ATP2C1: variants seen among roughly 807,000 people sequenced by gnomAD.
ATP2C1 encodes the protein calcium-transporting ATPase type 2C member 1.
Under a neutral mutation model 120.5 loss-of-function variants are expected in ATP2C1, and 31 were observed. The ratio of observed to expected loss-of-function variants is 0.26; its 90% confidence interval spans 0.19 to 0.35. ATP2C1 has a LOEUF of 0.35. ATP2C1 is among the 10% of genes least tolerant of loss of function. ATP2C1 has a pLI of 1.00. For synonymous variants in ATP2C1, 351 were observed against 358.7 expected, an observed-to-expected ratio of 0.98 and a Z score of 0.24; for missense variants, 731 against 1,107.5, an observed-to-expected ratio of 0.66 and a Z score of 4.83.
chr3:131,007,005 T>A (rs540017563), downstream of ATP2C1, among the ~76,000 whole-genome samples: 7 of 152,238 alleles, frequency 4.6e-5, no homozygotes, highest in African/African-American at 1.7e-4. Context: ...TAGCAATAAG[T>A]TTGCATATAA....
At chr3:130,873,212 T>G (rs980765507) in intron 1 of ATP2C1, among the ~76,000 whole-genome samples, 1 of 152,178 alleles carries the variant, frequency 6.6e-6, no homozygotes, top group African/African-American at 2.4e-5. Context: ...CAGAGCAGCT[T>G]CTTATATATT....
chr3:130,954,359 C>T (rs2060488044), intron 9 of ATP2C1, among the ~76,000 whole-genome samples: 1 of 152,126 alleles, frequency 6.6e-6, no homozygotes, highest in Non-Finnish European at 1.5e-5. Flanking sequence ...TGATACTCCA[C>T]CAGTGCAAAA....
At chr3:130,855,594 A>C (rs1183711329) in intron 1 of ATP2C1, among the ~76,000 whole-genome samples, 2 of 152,174 alleles carry the variant, frequency 1.3e-5, no homozygotes, top group Non-Finnish European at 2.9e-5. Context: ...CATCTGTGTC[A>C]GTGCTGGGAT....
chr3:130,969,163 AT>A (rs2061183702), intron 16 of ATP2C1, 128 bp from the exon 17 acceptor site: 1 of 704,652 alleles, frequency 1.4e-6, no homozygotes, highest in African/African-American at 1.8e-5. Flanking sequence ...TAGATGGAGC[AT>A]TTACTATTTC....
At chr3:130,994,550 C>G (rs1458540035) in intron 22 of ATP2C1, among the ~76,000 whole-genome samples, 1 of 152,030 alleles carries the variant, frequency 6.6e-6, no homozygotes, top group Non-Finnish European at 1.5e-5. Context: ...TTAAATAGCT[C>G]TATTTGTGTC....
At chr3:130,893,148 A>G (rs577604686), upstream of ATP2C1, among the ~76,000 whole-genome samples, 44 of 152,322 alleles carry the variant, frequency 2.9e-4, no homozygotes, top group African/African-American at 9.1e-4. Flanking sequence ...ATTAAAACCA[A>G]TCGTTCATTA....
intron 2 of ATP2C1, among the ~76,000 whole-genome samples, chr3:130,904,924 A>G (rs764093679): frequency 6.6e-6 from 1 of 152,048 alleles, no homozygotes; most frequent in Non-Finnish European, 1.5e-5. Context: ...AAATCCAGTA[A>G]TTGTTGCTCA....
chr3:130,910,900 T>C (rs1239696295), intron 2 of ATP2C1, among the ~76,000 whole-genome samples: 1 of 75,198 alleles, frequency 1.3e-5, no homozygotes, highest in Non-Finnish European at 2.7e-5. Context: ...GATATTGGTC[T>C]AAAATTCTCT....
intron 1 of ATP2C1, among the ~76,000 whole-genome samples, chr3:130,862,355 T>TTTAC (rs1211733682): frequency 1.3e-5 from 2 of 150,392 alleles, no homozygotes; most frequent in Non-Finnish European, 3.0e-5. Context: ...TATTTATTTA[T>TTTAC]TTTTAGTAAG....
Position 130,999,528 on chromosome 3 carries a change from T to A in ATP2C1, c.2498T>A (p.Val833Glu), listed in dbSNP as rs945512973. 6.2e-7 allele frequency: 1 copy of A among 1,613,548 alleles called. No individual in the cohort carries two copies. The highest frequency in any genetic ancestry group is 8.5e-7 in the Non-Finnish European group (1 of 1,179,758). ...CTGCTCTGCCAACAGACCAAGTCTGTGTTTGAGATTGGACTCTGCAGTAAT... is the reference window on the plus strand; with the variant it reads ...CTGCTCTGCCAACAGACCAAGTCTGAGTTTGAGATTGGACTCTGCAGTAAT... The part of the protein sequence containing the change: ...ALSSRSQTKS[V>E]FEIGLCSNRM... The change falls in exon 27 of 28, where the codon GTG becomes GAG. Residue 833 changes from valine (V) to glutamate (E), a missense_variant. By Grantham distance (121) the Val-to-Glu change is moderately radical. Transcript: ENST00000510168.
chr3:130,894,149 T>TGC lies in ATP2C1; in HGVS notation c.-369_-368insGC. 6.5e-5 allele frequency: 45 copies of TGC among 694,804 alleles called. No individual in the cohort carries two copies. Among genetic ancestry groups the TGC allele is most frequent in the Non-Finnish European group, 7.8e-5 (44 of 565,160 alleles). 43.0% of individuals were successfully genotyped at this position (694,804 alleles called of 1,614,324 possible). On this transcript the variant is annotated 5_prime_UTR_variant, in exon 1 of 28. Transcript: ENST00000510168. The surrounding 1 kb of genome is among the most constrained non-coding windows in gnomAD (Gnocchi z 4.5). The stretch of plus-strand genomic sequence containing the variant: ...ACGGGTCCCCTCACCTCCTCTTCTC[T>TGC]CCCCTCCCCGCCCGCCCTCTCTCCC...
upstream of ATP2C1, among the ~76,000 whole-genome samples, chr3:130,890,584 A>T (rs1215497761): frequency 6.6e-6 from 1 of 152,252 alleles, no homozygotes; most frequent in African/African-American, 2.4e-5. Context: ...TGTGAGTGAT[A>T]AAATATTTGT....
At chr3:130,929,320 G>A (rs1308657076) in intron 2 of ATP2C1, among the ~76,000 whole-genome samples, 1 of 152,000 alleles carries the variant, frequency 6.6e-6, no homozygotes, top group East Asian at 1.9e-4. Flanking sequence ...TTTTTCCTCA[G>A]CAATTTACTA....
In ATP2C1 at chr3:130,965,037, C is replaced by T; in HGVS notation, c.1114C>T (p.His372Tyr). 1.2e-6 allele frequency: 2 copies of T among 1,607,436 alleles called. No homozygotes were observed. Among genetic ancestry groups the T allele is most frequent in the Non-Finnish European group, 1.7e-6 (2 of 1,174,558 alleles). The part of the protein sequence containing the change: ...VTHIFTSDGL[H>Y]AEVTGVGYNQ... Reference sequence around the variant, plus strand: ...TCACATATTTACTTCAGATGGTCTGCATGCTGAGGTACTCTATAGGTTTTT... The same window carrying T: ...TCACATATTTACTTCAGATGGTCTGTATGCTGAGGTACTCTATAGGTTTTT... The change falls in exon 14 of 28, where the codon CAT (histidine) becomes TAT (tyrosine). Residue 372 changes from histidine (H) to tyrosine (Y), a missense_variant. His to Tyr is a moderately conservative substitution (Grantham distance 83, BLOSUM62 2). Transcript: ENST00000510168.
chr3:130,996,316 A>G (rs1029641415), intron 23 of ATP2C1: 4 of 600,128 alleles, frequency 6.7e-6, no homozygotes, highest in South Asian at 4.0e-5. Flanking sequence ...AGATGTCTGT[A>G]TCATCAAAAT....
intron 5 of ATP2C1, among the ~76,000 whole-genome samples, chr3:130,936,241 A>G (rs1235809665): frequency 6.6e-6 from 1 of 152,210 alleles, no homozygotes; most frequent in Admixed American, 6.5e-5. Flanking sequence ...GAAATGTGGT[A>G]ACCTTGGGGA....
At chr3:130,883,479 T>C (rs201849320) in intron 1 of ATP2C1, among the ~76,000 whole-genome samples, 2 of 15,924 alleles carry the variant, frequency 1.3e-4, no homozygotes, top group East Asian at 1.7e-3. Context: ...TTTTTTTTTC[T>C]CCACAGAGTT....
chr3:131,014,382 TAC>T, intron 26 of ATP2C1: 3 of 1,583,950 alleles, frequency 1.9e-6, no homozygotes, highest in Non-Finnish European at 2.6e-6. Context: ...GCTTCCACTG[TAC>T]AGTCTGTTCA....
chr3:130,909,029 A>G (rs2058268858), intron 2 of ATP2C1, among the ~76,000 whole-genome samples: 1 of 152,248 alleles, frequency 6.6e-6, no homozygotes, highest in African/African-American at 2.4e-5. Context: ...CTTTAAGTAC[A>G]AAGAATATTT....
Sources: gnomAD v4.1 joint callset for allele counts (sites outside exome capture counted in the v4.1 genomes callset) on GRCh38, gnomAD v4.1.1 for gene constraint, Gnocchi (gnomAD v3.1) non-coding constraint, MANE v1.5 for transcripts, NCBI Gene and HGNC (gene_info 2026-07-23, HGNC 2026-07-21) for gene names.